Variants in TMEM245 observed in about 807,000 individuals in gnomAD.
TMEM245 encodes transmembrane protein 245, also known as protein CG-2.
Under a neutral mutation model 101.2 loss-of-function variants are expected in TMEM245, and 69 were observed. That is an observed-to-expected ratio of 0.68 (90% CI 0.56 to 0.83). The LOEUF (loss-of-function observed/expected upper bound fraction) is 0.83. Ranked by LOEUF, TMEM245 falls within the 40% of genes least tolerant of loss-of-function variation. The pLI, the probability that TMEM245 is intolerant of heterozygous loss-of-function variation, is 0.00. For synonymous variants in TMEM245, 537 were observed against 449.8 expected, an observed-to-expected ratio of 1.19 and a Z score of -2.45; for missense variants, 1,075 against 1,092.8, an observed-to-expected ratio of 0.98 and a Z score of 0.23.
rs1564172355 is a variant in TMEM245 at position 109,036,231 on chromosome 9, T to TAC, written c.2373_2374insGT (p.Thr792ValfsTer16). On this transcript the variant is annotated frameshift_variant, in exon 16 of 18. Transcript: ENST00000374586. LOFTEE classifies it high-confidence loss of function. Reference sequence around the variant, plus strand: ...CCTGATATGTCAGAGTAGATTGCAGTATCTACAAAGTATGTTGGCAAGAGA... The same window carrying TAC: ...CCTGATATGTCAGAGTAGATTGCAGTACATCTACAAAGTATGTTGGCAAGAGA... 1 of 1,611,772 alleles carries TAC rather than the reference T, an allele frequency of 6.2e-7. No individual in the cohort carries two copies. Among genetic ancestry groups the TAC allele is most frequent in the South Asian group, 1.1e-5 (1 of 90,632 alleles).
chr9:109,039,813 G>A (rs773584171), intron 14 of TMEM245, among the ~76,000 whole-genome samples: 1 of 151,926 alleles, frequency 6.6e-6, no homozygotes, highest in Non-Finnish European at 1.5e-5. Flanking sequence ...AGGTTTTGAG[G>A]GGGAGGGAAT....
In TMEM245 at chr9:109,087,267, C is replaced by T; in HGVS notation, c.1226G>A (p.Gly409Asp). 6.2e-7 allele frequency: 1 copy of T among 1,613,952 alleles called. No individual in the cohort carries two copies. The change falls in exon 6 of 18, where the codon GGC (glycine) becomes GAC (aspartate). Residue 409 changes from glycine (G) to aspartate (D), a missense_variant. Physicochemically the swap from Gly to Asp is moderately conservative, Grantham distance 94. This residue lies in a region of TMEM245 where 808 missense variants were observed against 741.5 expected (regional missense o/e 1.09). Transcript: ENST00000374586. ...CTCCTTCAGGAAGCTTTCTATAATG[C>T]CCCACCACACATGGTAGCGTTTCTC... Reference protein sequence around the residue: ...FLEKRYHVWWGIIESFLKERQ... With the variant: ...FLEKRYHVWWDIIESFLKERQ...
intron 9 of TMEM245, among the ~76,000 whole-genome samples, chr9:109,069,693 A>G (rs1236693457): frequency 2.0e-5 from 3 of 151,906 alleles, no homozygotes; most frequent in Non-Finnish European, 4.4e-5. Context: ...AATATTTACA[A>G]CCCCTTCCAC....
chr9:109,106,607 A>G lies in TMEM245; in HGVS notation c.700T>C (p.Ser234Pro). 1.2e-6 allele frequency: 2 copies of G among 1,604,044 alleles called. No individual in the cohort carries two copies. The highest frequency in any genetic ancestry group is 1.7e-6 in the Non-Finnish European group (2 of 1,173,814). The change falls in exon 3 of 18, where the codon TCC becomes CCC. Residue 234 changes from serine to proline, a missense_variant and splice_region_variant. Ser to Pro is a moderately conservative substitution (Grantham distance 74, BLOSUM62 -1). Transcript: ENST00000374586. Reference protein sequence around the residue: ...VWIILLFHLASLAGSWRIPVF... With the variant: ...VWIILLFHLAPLAGSWRIPVF... ...GGAATTCTCCATGAGCCAGCCAGGG[A>G]TGCTGCAAATTATTAAGAATTAACA...
chr9:109,070,295 T>C (rs1829293632), intron 9 of TMEM245, among the ~76,000 whole-genome samples: 2 of 152,162 alleles, frequency 1.3e-5, no homozygotes, highest in Non-Finnish European at 2.9e-5. Flanking sequence ...TGCCTCTACT[T>C]ACAACAGTCA....
chr9:109,033,041 C>T (rs1040304435), intron 17 of TMEM245, among the ~76,000 whole-genome samples: 1 of 152,132 alleles, frequency 6.6e-6, no homozygotes, highest in Non-Finnish European at 1.5e-5. Flanking sequence ...TCAGGTGATC[C>T]ACCTGCCTTG....
At chr9:109,117,132 G>A (rs1314411213) in intron 1 of TMEM245, among the ~76,000 whole-genome samples, 2 of 151,082 alleles carry the variant, frequency 1.3e-5, no homozygotes, top group African/African-American at 2.4e-5. Context: ...TTTTTGAGAC[G>A]GAATTTCACG....
chr9:109,036,457 C>G, intron 15 of TMEM245, 77 bp from the exon 16 acceptor site: 1 of 1,355,456 alleles, frequency 7.4e-7, no homozygotes, highest in Non-Finnish European at 9.7e-7. Flanking sequence ...TAAGCAGTAG[C>G]TCCTCCTCAA....
chr9:109,078,178 A>G (rs1024499709), intron 8 of TMEM245, among the ~76,000 whole-genome samples: 1 of 152,194 alleles, frequency 6.6e-6, no homozygotes, highest in Admixed American at 6.5e-5. Context: ...TCATACCATT[A>G]CAGTTCTACT....
At chr9:109,102,379 G>A (rs1830302553) in intron 3 of TMEM245, among the ~76,000 whole-genome samples, 1 of 152,050 alleles carries the variant, frequency 6.6e-6, no homozygotes, top group Non-Finnish European at 1.5e-5. Context: ...GCTTACAATT[G>A]TTAGATATTA....
In TMEM245 at chr9:109,119,633, A is replaced by C. The variant is rs755935748; in HGVS notation, c.281T>G (p.Leu94Arg). ...LLWAVLCGTFLHPFKSSLTRL... is the reference protein window; with the variant it reads ...LLWAVLCGTFRHPFKSSLTRL... ...CGTCAGCGAGCTCTTGAAGGGGTGCAGAAAAGTGCCGCATAGCACGGCCCA... is the reference window on the plus strand; with the variant it reads ...CGTCAGCGAGCTCTTGAAGGGGTGCCGAAAAGTGCCGCATAGCACGGCCCA... Residue 94 changes from leucine (L) to arginine (R), a missense_variant, in exon 1 of 18, where the codon CTG becomes CGG. Physicochemically the swap from Leu to Arg is moderately radical, Grantham distance 102. Around this residue, in one of 2 missense-constraint regions of TMEM245, gnomAD observed 808 missense variants for 741.5 expected, o/e 1.09. Transcript: ENST00000374586. 1.3e-6 allele frequency: 2 copies of C among 1,564,066 alleles called. No homozygotes were observed. The highest frequency in any genetic ancestry group is 1.9e-5 in the Admixed American group (1 of 52,842).
intron 16 of TMEM245, among the ~76,000 whole-genome samples, chr9:109,034,935 T>C (rs990476993): frequency 4.6e-5 from 7 of 151,958 alleles, no homozygotes; most frequent in Admixed American, 3.9e-4. Context: ...GGCAGGCGGA[T>C]CACTTGAGGT....
At chr9:109,105,758 T>C (rs1012682192) in intron 3 of TMEM245, among the ~76,000 whole-genome samples, 59 of 152,140 alleles carry the variant, frequency 3.9e-4, no homozygotes, top group African/African-American at 1.3e-3. Context: ...ATGCACAACA[T>C]TGTGACATAT....
intron 7 of TMEM245, 82 bp downstream of exon 7, chr9:109,085,915 G>T (rs1009049761): frequency 9.5e-6 from 14 of 1,468,948 alleles, no homozygotes; most frequent in Middle Eastern, 1.7e-4. Context: ...TTGACACATG[G>T]ACAGAAACAT....
chr9:109,029,680 A>G (rs1390519234), intron 17 of TMEM245, among the ~76,000 whole-genome samples: 1 of 152,242 alleles, frequency 6.6e-6, no homozygotes, highest in Non-Finnish European at 1.5e-5. Context: ...TATATAGGGT[A>G]TAAGAAATAA....
At chr9:109,086,600 G>T (rs1040674221) in intron 6 of TMEM245, among the ~76,000 whole-genome samples, 1 of 152,174 alleles carries the variant, frequency 6.6e-6, no homozygotes, top group African/African-American at 2.4e-5. Flanking sequence ...CAAGGTAGGT[G>T]CTATTGTACC....
At chr9:109,058,279 C>T (rs538857426) in intron 11 of TMEM245, among the ~76,000 whole-genome samples, 69 of 152,014 alleles carry the variant, frequency 4.5e-4, no homozygotes, top group Admixed American at 1.4e-3. Context: ...GCTAGGATTA[C>T]AGGCGTGAGC....
chr9:109,076,317 G>A (rs982733545), intron 8 of TMEM245, among the ~76,000 whole-genome samples: 8 of 150,076 alleles, frequency 5.3e-5, no homozygotes, highest in Non-Finnish European at 1.2e-4. Context: ...ACTCATAGAT[G>A]GGAACTGAAC....
chr9:109,072,637 AG>A (rs1829369842), intron 9 of TMEM245, among the ~76,000 whole-genome samples: 1 of 152,230 alleles, frequency 6.6e-6, no homozygotes. Flanking sequence ...CCAACACAAA[AG>A]GAGGTGGCTG....
Sources: allele counts gnomAD v4.1 joint callset (sites outside exome capture counted in the v4.1 genomes callset), GRCh38; gene constraint gnomAD v4.1.1; regional missense constraint gnomAD v4.1.1; transcripts MANE v1.5; gene names NCBI Gene and HGNC (gene_info 2026-07-23, HGNC 2026-07-21).